Variants in ARHGEF7 observed in about 807,000 individuals in gnomAD.
ARHGEF7 encodes PAK-interacting exchange factor beta.
Under a neutral mutation model 109.8 loss-of-function variants are expected in ARHGEF7, and 33 were observed. That is an observed-to-expected ratio of 0.30 (90% CI 0.23 to 0.40). The LOEUF is 0.40. Ranked by LOEUF, ARHGEF7 falls within the 10% of genes least tolerant of loss-of-function variation. The pLI is 1.00. For missense variants in ARHGEF7, 938 were observed against 1,098.5 expected (o/e 0.85, Z 2.07); for synonymous variants, 458 against 424.6 (o/e 1.08, Z -0.97).
rs1449886309 is a variant in ARHGEF7 at position 111,272,781 on chromosome 13, C to A, written c.1074-1033C>A. Among the ~76,000 whole-genome samples, 1 of 152,114 alleles carries A rather than the reference C, an allele frequency of 6.6e-6. No homozygotes were observed. The highest frequency in any genetic ancestry group is 1.5e-5 in the Non-Finnish European group (1 of 68,020). On this transcript the variant is annotated intron_variant, in intron 9 of 21. Transcript: ENST00000646102. The surrounding 1 kb of genome is among the most constrained non-coding windows in gnomAD (Gnocchi z 5.2). ...CTGTCAGATGTGTGGACTGATGGCA[C>A]ATGCAATTTGAGGGACAGCAGACCC...
At chr13:111,190,515 A>G (rs1274958796) in intron 2 of ARHGEF7, among the ~76,000 whole-genome samples, 1 of 152,006 alleles carries the variant, frequency 6.6e-6, no homozygotes, top group Non-Finnish European at 1.5e-5. Flanking sequence ...TAGAGTAAGG[A>G]TAGATTTCGT....
intron 2 of ARHGEF7, among the ~76,000 whole-genome samples, chr13:111,187,794 C>G (rs2079422752): frequency 6.6e-6 from 1 of 152,134 alleles, no homozygotes; most frequent in Non-Finnish European, 1.5e-5. Flanking sequence ...CTTCTGTGAC[C>G]CGTTTCTTTG....
intron 1 of ARHGEF7, among the ~76,000 whole-genome samples, chr13:111,126,612 G>A (rs1480780996): frequency 6.6e-6 from 1 of 152,120 alleles, no homozygotes; most frequent in Non-Finnish European, 1.5e-5. Context: ...AGACTAGAAT[G>A]GAATGTCTTT....
intron 5 of ARHGEF7, among the ~76,000 whole-genome samples, chr13:111,225,860 C>T (rs936326545): frequency 6.6e-6 from 1 of 152,166 alleles, no homozygotes; most frequent in Admixed American, 6.5e-5. Context: ...AGTTTATAAC[C>T]TTACTATGGC....
intron 2 of ARHGEF7, among the ~76,000 whole-genome samples, chr13:111,154,960 A>G (rs1461758132): frequency 6.6e-6 from 1 of 152,162 alleles, no homozygotes; most frequent in Admixed American, 6.5e-5. Flanking sequence ...CCACCCGTGT[A>G]TTCAGCCAAC....
At chr13:111,166,747 A>G (rs2077163005) in intron 2 of ARHGEF7, among the ~76,000 whole-genome samples, 2 of 152,228 alleles carry the variant, frequency 1.3e-5, no homozygotes, top group South Asian at 2.1e-4. Context: ...GACATGCTCC[A>G]TCAGGATATC....
Position 111,115,566 on chromosome 13 carries a change from C to T in ARHGEF7, c.40C>T (p.Leu14=), listed in dbSNP as rs144075866. The T allele has an allele frequency of 7.8e-4, 1,108 of 1,423,506 alleles. 2 individuals are homozygous for T. Among genetic ancestry groups the T allele is most frequent in the Non-Finnish European group, 9.2e-4 (985 of 1,071,900 alleles). The allele number at this position is 1,423,506 out of a possible 1,614,324, so 88.2% of individuals were successfully genotyped here. The change falls in exon 1 of 22, where the codon CTG becomes TTG. Residue 14 remains leucine, a synonymous_variant. Coordinates refer to ENST00000646102, the MANE Select transcript of ARHGEF7 (RefSeq NM_001354046.2). ...GCAAACCGTTACGTGGCTCATCACT[C>T]TGGGGGTGCTGGAGTCGCCCAAAAA... ...AEQTVTWLIT[L]GVLESPKKTI... is the part of the protein sequence containing the mutation.
chr13:111,271,946 C>T (rs572968916), intron 9 of ARHGEF7, among the ~76,000 whole-genome samples: 54 of 152,264 alleles, frequency 3.5e-4, no homozygotes, highest in African/African-American at 1.2e-3. Context: ...GCACCCACAT[C>T]GTTACTGTTT....
At chr13:111,170,377 C>T (rs1304296093) in intron 2 of ARHGEF7, among the ~76,000 whole-genome samples, 1 of 152,254 alleles carries the variant, frequency 6.6e-6, no homozygotes, top group Non-Finnish European at 1.5e-5. Flanking sequence ...GGATTATAGG[C>T]GTGAGCCACC....
Position 111,168,944 on chromosome 13 carries a change from A to G in ARHGEF7, c.252+14953A>G, listed in dbSNP as rs1339647655. 2.0e-5 allele frequency among the ~76,000 whole-genome samples: 3 copies of G among 152,222 alleles called. No individual in the cohort carries two copies. The East Asian group carries it at 5.8e-4, about 29-fold the overall frequency. On this transcript the variant is annotated intron_variant, in intron 2 of 21. Transcript: ENST00000646102. ...TTCTTTGATGCCTGTGCCAGAGAGGATGCAGACAGCAACTCAGTATTCACA... is the reference window on the plus strand; with the variant it reads ...TTCTTTGATGCCTGTGCCAGAGAGGGTGCAGACAGCAACTCAGTATTCACA...
intron 9 of ARHGEF7, among the ~76,000 whole-genome samples, chr13:111,271,255 C>T (rs1335376288): frequency 6.6e-6 from 1 of 152,142 alleles, no homozygotes; most frequent in African/African-American, 2.4e-5. Context: ...CACAGTTGCC[C>T]CAGCTGAGAA....
At chr13:111,180,055 C>T (rs990527078) in intron 2 of ARHGEF7, among the ~76,000 whole-genome samples, 6 of 152,206 alleles carry the variant, frequency 3.9e-5, no homozygotes, top group African/African-American at 1.4e-4. Flanking sequence ...GCCTACGTGC[C>T]TGAATTACTT....
intron 8 of ARHGEF7, chr13:111,265,362 AAATGGTTG>A: frequency 2.8e-6 from 1 of 353,902 alleles, no homozygotes; most frequent in Non-Finnish European, 5.6e-6. Context: ...AATGAATAAA[AAATGGTTG>A]AAAAACAGGG....
Position 111,303,211 on chromosome 13 carries a change from T to TGGGTG in ARHGEF7, c.*102_*106dup. The TGGGTG allele has an allele frequency of 2.2e-6, 1 of 444,832 alleles. No individual in the cohort carries two copies. The highest frequency in any genetic ancestry group is 6.5e-5 in the East Asian group (1 of 15,372). The allele number at this position is 444,832 out of a possible 1,614,324, so 27.6% of individuals were successfully genotyped here. On this transcript the variant is annotated 3_prime_UTR_variant, in exon 22 of 22. Coordinates refer to ENST00000646102, the MANE Select transcript of ARHGEF7 (RefSeq NM_001354046.2). ...TGCACTCAGGACCACAGGGCAGGGC[T>TGGGTG]GGGTGGGGCGCCACCTTGCTCTCTG...
At chr13:111,259,746 C>T (rs61968016) in intron 8 of ARHGEF7, among the ~76,000 whole-genome samples, 3,277 of 152,236 alleles carry the variant, frequency 0.022, 55 homozygotes, top group Middle Eastern at 0.044. Context: ...AGCATGAAGT[C>T]CATCCAGGAA....
At chr13:111,252,594 C>A (rs1321556018) in intron 8 of ARHGEF7, among the ~76,000 whole-genome samples, 1 of 152,250 alleles carries the variant, frequency 6.6e-6, no homozygotes, top group Non-Finnish European at 1.5e-5. Context: ...ACTTTAACGG[C>A]AGCTCATGTC....
intron 2 of ARHGEF7, among the ~76,000 whole-genome samples, chr13:111,170,968 G>A (rs1223927625): frequency 6.6e-6 from 1 of 152,178 alleles, no homozygotes. Flanking sequence ...TCTGTTGTTT[G>A]TGTCCATAAG....
intron 1 of ARHGEF7, among the ~76,000 whole-genome samples, chr13:111,141,835 A>C (rs552015045): frequency 2.0e-5 from 3 of 152,332 alleles, no homozygotes; most frequent in African/African-American, 4.8e-5. Context: ...ACGTGGGTAA[A>C]TATAATACCA....
chr13:111,165,679 A>G (rs2077071667), intron 2 of ARHGEF7, among the ~76,000 whole-genome samples: 2 of 152,226 alleles, frequency 1.3e-5, no homozygotes, highest in Admixed American at 6.5e-5. Flanking sequence ...GGGTAGAGGC[A>G]GAAGGAAGTG....
Sources: allele counts gnomAD v4.1 joint callset (sites outside exome capture counted in the v4.1 genomes callset), GRCh38; gene constraint gnomAD v4.1.1; non-coding constraint Gnocchi (gnomAD v3.1); transcripts MANE v1.5; gene names NCBI Gene and HGNC (gene_info 2026-07-23, HGNC 2026-07-21).